Variants in PAX7 observed in about 807,000 individuals in gnomAD.
PAX7 encodes the protein paired box 7.
In PAX7, 18 loss-of-function variants were observed where a neutral mutation model predicts 50.7. The observed-to-expected ratio is 0.36, with a 90% CI of 0.25 to 0.53. The LOEUF (loss-of-function observed/expected upper bound fraction) is 0.53. Ranked by LOEUF, PAX7 falls within the 20% of genes least tolerant of loss-of-function variation. The pLI is 0.93. For missense variants in PAX7, 644 were observed against 702.9 expected (o/e 0.92, Z 0.95); for synonymous variants, 310 against 290.4 (o/e 1.07, Z -0.69).
At chr1:18,731,939 C>G (rs903101935) in intron 7 of PAX7, among the ~76,000 whole-genome samples, 1 of 152,182 alleles carries the variant, frequency 6.6e-6, no homozygotes, top group African/African-American at 2.4e-5. Context: ...CAAGCCCTCG[C>G]AGCTCCTGGA....
chr1:18,670,290 A>C (rs758437761), intron 4 of PAX7, among the ~76,000 whole-genome samples: 2 of 152,164 alleles, frequency 1.3e-5, no homozygotes, highest in Non-Finnish European at 2.9e-5. Flanking sequence ...CAACTATTGT[A>C]AAATCAATTA....
chr1:18,678,331 G>A (rs144868838), intron 4 of PAX7, among the ~76,000 whole-genome samples: 3 of 152,186 alleles, frequency 2.0e-5, no homozygotes, highest in East Asian at 1.9e-4. Flanking sequence ...CCCAGGAGGC[G>A]GAGGTTGCAG....
chr1:18,684,920 G>T (rs1392452774), intron 4 of PAX7, among the ~76,000 whole-genome samples: 1 of 152,168 alleles, frequency 6.6e-6, no homozygotes, highest in Non-Finnish European at 1.5e-5. Flanking sequence ...ATCCGGGATG[G>T]GTGATTTAGA....
Position 18,735,816 on chromosome 1 carries a change from A to G in PAX7, c.1340A>G (p.Tyr447Cys), listed in dbSNP as rs1043918235. ...TCCCAGGCCTACTGCCCACCCACCT[A>G]CAGCACCACCGGCTACAGCGTGGAC... ...PTSQAYCPPT[Y>C]STTGYSVDPV... The change falls in exon 8 of 9, where the codon TAC becomes TGC. Residue 447 changes from tyrosine to cysteine, a missense_variant. Transcript: ENST00000420770. This position sits in a 1 kb window ranked among gnomAD's most constrained non-coding sequence, Gnocchi z 4.0. 9 of 1,613,916 alleles carry G rather than the reference A, an allele frequency of 5.6e-6. No individual in the cohort carries two copies. The highest frequency in any genetic ancestry group is 1.3e-5 in the African/African-American group (1 of 74,886).
intron 7 of PAX7, among the ~76,000 whole-genome samples, chr1:18,727,428 A>G (rs956181047): frequency 6.6e-6 from 1 of 151,180 alleles, no homozygotes; most frequent in South Asian, 2.1e-4. Flanking sequence ...CACTCAGGTA[A>G]TAAATGACCC....
At chr1:18,664,739 C>G (rs922636726) in intron 4 of PAX7, among the ~76,000 whole-genome samples, 1 of 151,982 alleles carries the variant, frequency 6.6e-6, no homozygotes, top group Non-Finnish European at 1.5e-5. Flanking sequence ...TTTTACAGAT[C>G]AGGAAGGTGA....
At chr1:18,681,242 G>A (rs1165428685) in intron 4 of PAX7, among the ~76,000 whole-genome samples, 2 of 148,044 alleles carry the variant, frequency 1.4e-5, no homozygotes, top group African/African-American at 5.0e-5. Context: ...CCCCCAAGGT[G>A]CCCTCTTAAA....
intron 4 of PAX7, among the ~76,000 whole-genome samples, chr1:18,669,330 C>G (rs901716454): frequency 6.6e-6 from 1 of 152,214 alleles, no homozygotes; most frequent in Non-Finnish European, 1.5e-5. Context: ...TAGAGCTCCA[C>G]AGCTGGTGTC....
At chr1:18,647,952 A>C (rs191576963) in intron 4 of PAX7, among the ~76,000 whole-genome samples, 1 of 152,202 alleles carries the variant, frequency 6.6e-6, no homozygotes, top group Non-Finnish European at 1.5e-5. Context: ...ATTCAGCAGA[A>C]GGTCAAGAGA....
chr1:18,739,194 C>G (rs9439733), intron 8 of PAX7, among the ~76,000 whole-genome samples: 5 of 152,166 alleles, frequency 3.3e-5, no homozygotes, highest in South Asian at 2.1e-4. Flanking sequence ...CTCAGAGAGG[C>G]GAGGTAGCTT....
chr1:18,650,405 T>C (rs1035747821), intron 4 of PAX7, among the ~76,000 whole-genome samples: 1 of 152,196 alleles, frequency 6.6e-6, no homozygotes, highest in African/African-American at 2.4e-5. Context: ...GTGCTTCATT[T>C]TGGGGCCTGG....
chr1:18,650,604 T>C (rs2100455723), intron 4 of PAX7, among the ~76,000 whole-genome samples: 1 of 152,300 alleles, frequency 6.6e-6, no homozygotes, highest in East Asian at 1.9e-4. Flanking sequence ...CTGAGTACAG[T>C]GGCTTTGGAG....
At chr1:18,675,049 C>T (rs1033586063) in intron 4 of PAX7, among the ~76,000 whole-genome samples, 8 of 152,130 alleles carry the variant, frequency 5.3e-5, no homozygotes, top group Admixed American at 2.0e-4. Flanking sequence ...GTGTCTGCCC[C>T]ACCTGGGTTT....
chr1:18,721,640 G>A (rs1162190176), intron 7 of PAX7, among the ~76,000 whole-genome samples: 1 of 152,250 alleles, frequency 6.6e-6, no homozygotes, highest in Admixed American at 6.5e-5. Flanking sequence ...GAGGCTGCTG[G>A]GGGCCTCTGG....
At chr1:18,641,517 C>A (rs1040913229) in intron 4 of PAX7, among the ~76,000 whole-genome samples, 2 of 152,232 alleles carry the variant, frequency 1.3e-5, no homozygotes, top group East Asian at 1.9e-4. Context: ...GGGTGGGGTC[C>A]CCCGCTGCGA....
rs1424206735 is a variant in PAX7 at position 18,745,542 on chromosome 1, G to T, written c.*613G>T. Reference sequence around the variant, plus strand: ...CCACCCAGGAATTTGAAGGACTTCAGAACCCTCCCCAGACACCTCTACTGG... The same window carrying T: ...CCACCCAGGAATTTGAAGGACTTCATAACCCTCCCCAGACACCTCTACTGG... On this transcript the variant is annotated 3_prime_UTR_variant, in exon 9 of 9. Coordinates refer to ENST00000420770, the MANE Select transcript of PAX7 (RefSeq NM_001135254.2). 3 of 231,474 alleles carry T rather than the reference G, an allele frequency of 1.3e-5. No individual in the cohort carries two copies. The highest frequency in any genetic ancestry group is 5.6e-5 in the Admixed American group (1 of 17,822). The allele number at this position is 231,474 out of a possible 1,614,324, so 14.3% of individuals were successfully genotyped here. A position where few individuals can be genotyped will look rare whatever the true frequency, so the allele number is the denominator to read the frequency against.
intron 7 of PAX7, among the ~76,000 whole-genome samples, chr1:18,734,962 G>A (rs2089692211): frequency 6.6e-6 from 1 of 152,236 alleles, no homozygotes; most frequent in African/African-American, 2.4e-5. Flanking sequence ...AGCACTGACA[G>A]TGAGTTCCTA....
At chr1:18,656,216 G>A (rs781020599) in intron 4 of PAX7, among the ~76,000 whole-genome samples, 2 of 152,286 alleles carry the variant, frequency 1.3e-5, no homozygotes, top group African/African-American at 2.4e-5. Flanking sequence ...AGGCAAGTCC[G>A]GGCGCAGTGG....
At chr1:18,716,992 G>C (rs1382005688) in intron 7 of PAX7, among the ~76,000 whole-genome samples, 3 of 151,398 alleles carry the variant, frequency 2.0e-5, no homozygotes, top group Non-Finnish European at 4.4e-5. Context: ...GGCCGGAGCG[G>C]GGATCGGGTC....
Sources: allele counts gnomAD v4.1 joint callset (sites outside exome capture counted in the v4.1 genomes callset), GRCh38; gene constraint gnomAD v4.1.1; non-coding constraint Gnocchi (gnomAD v3.1); transcripts MANE v1.5; gene names NCBI Gene and HGNC (gene_info 2026-07-23, HGNC 2026-07-21).